Variants in RTN4IP1 observed in about 807,000 individuals in gnomAD.
The protein encoded by RTN4IP1 is NAD(P)H oxidoreductase RTN4IP1, mitochondrial.
RTN4IP1 carries 32 observed loss-of-function variants against 46.6 expected under a neutral mutation model. The observed-to-expected ratio is 0.69, with a 90% CI of 0.52 to 0.92. The LOEUF (loss-of-function observed/expected upper bound fraction) is 0.92, where lower values mean the gene tolerates loss of function less well. Ranked by LOEUF, RTN4IP1 falls within the 40% of genes least tolerant of loss-of-function variation. The pLI, the probability that RTN4IP1 is intolerant of heterozygous loss-of-function variation, is 0.00. For missense variants in RTN4IP1, 424 were observed against 485.8 expected, an observed-to-expected ratio of 0.87 and a Z score of 1.20; for synonymous variants, 167 against 161.8, an observed-to-expected ratio of 1.03 and a Z score of -0.24.
At chr6:106,577,722 T>G (rs542752654) in intron 8 of RTN4IP1, among the ~76,000 whole-genome samples, 1 of 152,088 alleles carries the variant, frequency 6.6e-6, no homozygotes, top group Non-Finnish European at 1.5e-5. Context: ...ATTATCCAAG[T>G]GGGCCCAGTG....
intron 4 of RTN4IP1, among the ~76,000 whole-genome samples, chr6:106,618,295 GTTATT>G (rs200827616): frequency 0.039 from 5,921 of 152,126 alleles, 165 homozygotes; most frequent in Non-Finnish European, 0.059. Flanking sequence ...AAAAAACTAG[GTTATT>G]TTAATTTATT....
chr6:106,596,772 A>G (rs1775802671), intron 5 of RTN4IP1, among the ~76,000 whole-genome samples: 1 of 152,164 alleles, frequency 6.6e-6, no homozygotes, highest in Admixed American at 6.5e-5. Context: ...TTCCTCAGAA[A>G]AGGATCAGAA....
intron 4 of RTN4IP1, among the ~76,000 whole-genome samples, chr6:106,605,816 C>CAAAAA (rs60568175): frequency 2.4e-3 from 11 of 4,490 alleles, no homozygotes; most frequent in African/African-American, 5.3e-3. Flanking sequence ...GACTCTGTCC[C>CAAAAA]AAAAAAAAAA....
chr6:106,610,994 G>A (rs181248849), intron 4 of RTN4IP1, among the ~76,000 whole-genome samples: 155 of 150,602 alleles, frequency 1.0e-3, no homozygotes, highest in African/African-American at 3.7e-3. Flanking sequence ...TACAATCACA[G>A]TTTTCAGTAT....
chr6:106,625,267 A>G (rs1009005424), intron 1 of RTN4IP1, among the ~76,000 whole-genome samples: 5 of 151,152 alleles, frequency 3.3e-5, no homozygotes, highest in African/African-American at 4.9e-5. Context: ...TCACTAACCC[A>G]CTCTGTACGT....
intron 4 of RTN4IP1, among the ~76,000 whole-genome samples, chr6:106,612,946 G>T (rs1206461618): frequency 6.6e-6 from 1 of 152,138 alleles, no homozygotes; most frequent in Non-Finnish European, 1.5e-5. Context: ...ATCTGTAAGG[G>T]CGCACCCTTC....
At chr6:106,623,719 C>T (rs1030118434) in intron 1 of RTN4IP1, among the ~76,000 whole-genome samples, 1 of 152,132 alleles carries the variant, frequency 6.6e-6, no homozygotes, top group African/African-American at 2.4e-5. Flanking sequence ...TTAGTATTAT[C>T]TTTTATACAG....
Position 106,629,071 on chromosome 6 carries a change from G to A in RTN4IP1, c.-50C>T. On this transcript the variant is annotated 5_prime_UTR_variant, in exon 1 of 9. Transcript: ENST00000369063. ...CTCAAATTCAAATACACTTGGACTG[G>A]ATCAAACTCTCACCCCTGAATTCAG... The A allele has an allele frequency of 1.3e-6, 2 of 1,537,386 alleles. No homozygotes were observed. The highest frequency in any genetic ancestry group is 1.2e-5 in the South Asian group (1 of 82,914).
chr6:106,602,261 G>T (rs1582371107), intron 5 of RTN4IP1, among the ~76,000 whole-genome samples: 1 of 151,786 alleles, frequency 6.6e-6, no homozygotes, highest in African/African-American at 2.4e-5. Context: ...GGGTCAACTT[G>T]TCCATTTATG....
At chr6:106,606,834 G>C (rs1776088318) in intron 4 of RTN4IP1, among the ~76,000 whole-genome samples, 4 of 152,146 alleles carry the variant, frequency 2.6e-5, no homozygotes, top group Admixed American at 2.6e-4. Context: ...ACCACCCAAA[G>C]CAATCTACAG....
intron 5 of RTN4IP1, among the ~76,000 whole-genome samples, 196 bp from the exon 6 acceptor site, chr6:106,592,496 G>C (rs1283127474): frequency 1.3e-5 from 2 of 152,156 alleles, no homozygotes; most frequent in Non-Finnish European, 2.9e-5. Context: ...CTTTTGTTCA[G>C]TAAGAAAATC....
chr6:106,623,263 T>C (rs1489200831), intron 1 of RTN4IP1, among the ~76,000 whole-genome samples: 2 of 152,202 alleles, frequency 1.3e-5, no homozygotes, highest in Non-Finnish European at 2.9e-5. Context: ...TCCAAGGATA[T>C]GGATGGAACT....
At chr6:106,589,246 A>AGGGAGGG (rs1389350841) in intron 6 of RTN4IP1, among the ~76,000 whole-genome samples, 1 of 7,748 alleles carries the variant, frequency 1.3e-4, no homozygotes, top group African/African-American at 2.0e-4. Flanking sequence ...AGGGAGGAGG[A>AGGGAGGG]GGAGAAGGAG....
intron 6 of RTN4IP1, among the ~76,000 whole-genome samples, chr6:106,591,366 T>C (rs532395158): frequency 5.3e-4 from 81 of 152,280 alleles, no homozygotes; most frequent in Middle Eastern, 3.4e-3. Flanking sequence ...AAACTACTGC[T>C]AGAAGTTGGT....
chr6:106,586,645 T>C (rs1334673292), intron 7 of RTN4IP1, among the ~76,000 whole-genome samples: 6 of 152,198 alleles, frequency 3.9e-5, no homozygotes, highest in Admixed American at 3.9e-4. Context: ...AATGATGGGA[T>C]TACAGGCATA....
intron 5 of RTN4IP1, among the ~76,000 whole-genome samples, chr6:106,602,277 C>CA (rs138749456): frequency 0.04 from 6,004 of 149,286 alleles, 172 homozygotes; most frequent in Non-Finnish European, 0.061. Flanking sequence ...TTATGAAAAG[C>CA]AAAAAAAAAG....
intron 4 of RTN4IP1, among the ~76,000 whole-genome samples, chr6:106,612,696 C>CTAACTCATTCCATCACCTGCTCCACCA (rs1776256919): frequency 1.3e-5 from 2 of 152,228 alleles, no homozygotes; most frequent in African/African-American, 4.8e-5. Context: ...CTGCTCTACC[C>CTAACTCATTCCATCACCTGCTCCACCA]TAACTCATTC....
At chr6:106,589,336 G>GGAA (rs903664286) in intron 6 of RTN4IP1, among the ~76,000 whole-genome samples, 2 of 147,074 alleles carry the variant, frequency 1.4e-5, no homozygotes, top group East Asian at 2.0e-4. Context: ...AAGAGGAAGA[G>GGAA]GAAGAAGAAG....
At chr6:106,585,291 C>T (rs58972320) in intron 7 of RTN4IP1, among the ~76,000 whole-genome samples, 36,566 of 151,954 alleles carry the variant, frequency 0.24, 4,770 homozygotes, top group East Asian at 0.33. Context: ...TTAGGCAACA[C>T]AGCAAGACTC....
Sources: allele counts gnomAD v4.1 joint callset (sites outside exome capture counted in the v4.1 genomes callset), GRCh38; gene constraint gnomAD v4.1.1; transcripts MANE v1.5; gene names NCBI Gene and HGNC (gene_info 2026-07-23, HGNC 2026-07-21).